SOX5: variants seen among roughly 807,000 people sequenced by gnomAD.
The protein encoded by SOX5 is transcription factor SOX-5.
SOX5 carries 9 observed loss-of-function variants against 92.0 expected under a neutral mutation model. The observed-to-expected ratio is 0.10, with a 90% CI of 0.06 to 0.17. The LOEUF is 0.17. SOX5 is among the 10% of genes least tolerant of loss of function. The pLI is 1.00. For synonymous variants in SOX5, 344 were observed against 336.3 expected, an observed-to-expected ratio of 1.02 and a Z score of -0.25; for missense variants, 642 against 944.5, an observed-to-expected ratio of 0.68 and a Z score of 4.20.
chr12:24,358,485 G>A (rs889544625), intron 2 of SOX5, among the ~76,000 whole-genome samples: 2 of 151,856 alleles, frequency 1.3e-5, no homozygotes, highest in Non-Finnish European at 2.9e-5. Flanking sequence ...TCCTTTCGGC[G>A]CCAATGGTCC....
intron 4 of SOX5, among the ~76,000 whole-genome samples, chr12:24,120,200 T>C (rs1445442774): frequency 1.3e-5 from 2 of 152,104 alleles, no homozygotes; most frequent in African/African-American, 4.8e-5. Context: ...GGAATTGGAG[T>C]CACAGATATA....
intron 2 of SOX5, among the ~76,000 whole-genome samples, chr12:23,851,971 A>G (rs1162162825): frequency 2.0e-5 from 3 of 152,172 alleles, no homozygotes; most frequent in African/African-American, 7.2e-5. Flanking sequence ...ATCAGCGGCT[A>G]GGTTGGTATG....
intron 3 of SOX5, among the ~76,000 whole-genome samples, chr12:23,771,189 A>G (rs1379388274): frequency 1.1e-5 from 1 of 88,838 alleles, no homozygotes; most frequent in Admixed American, 1.3e-4. Flanking sequence ...AAATGGAGCA[A>G]AAAAAAAAAA....
At chr12:24,013,421 A>T (rs1324863488) in intron 4 of SOX5, among the ~76,000 whole-genome samples, 1 of 151,078 alleles carries the variant, frequency 6.6e-6, no homozygotes, top group Non-Finnish European at 1.5e-5. Flanking sequence ...CAGAGATAAG[A>T]AGAGACCATT....
chr12:23,799,557 T>C (rs2095624838), intron 3 of SOX5, among the ~76,000 whole-genome samples: 1 of 152,078 alleles, frequency 6.6e-6, no homozygotes, highest in East Asian at 1.9e-4. Flanking sequence ...GCAACCAATA[T>C]CCGAAGTGAA....
chr12:24,416,236 T>C (rs1160861625), intron 1 of SOX5, among the ~76,000 whole-genome samples: 1 of 152,234 alleles, frequency 6.6e-6, no homozygotes, highest in African/African-American at 2.4e-5. Context: ...GCAGGTCTTC[T>C]GCATCCACAG....
intron 4 of SOX5, among the ~76,000 whole-genome samples, chr12:24,089,498 T>C (rs780321674): frequency 3.9e-5 from 6 of 152,192 alleles, no homozygotes; most frequent in African/African-American, 1.2e-4. Flanking sequence ...TATACATGCA[T>C]GTCTTTATAC....
chr12:23,946,385 A>T (rs1944593004), intron 1 of SOX5, among the ~76,000 whole-genome samples: 1 of 152,186 alleles, frequency 6.6e-6, no homozygotes, highest in East Asian at 1.9e-4. Context: ...GGAAGCTTAG[A>T]CACAAAACTA....
At chr12:24,389,815 A>T (rs904998325) in intron 1 of SOX5, among the ~76,000 whole-genome samples, 3 of 152,246 alleles carry the variant, frequency 2.0e-5, no homozygotes, top group African/African-American at 4.8e-5. Flanking sequence ...TTTTCCAAAC[A>T]GCTGCCCATT....
intron 1 of SOX5, among the ~76,000 whole-genome samples, chr12:24,444,744 C>A (rs1275944789): frequency 6.6e-6 from 1 of 152,156 alleles, no homozygotes; most frequent in African/African-American, 2.4e-5. Flanking sequence ...GGTATATAGA[C>A]AGCCCACTGT....
Position 23,970,841 on chromosome 12 carries a change from A to ATATATATATTTT in SOX5, c.-1-74818_-1-74817insAAAATATATATA. On this transcript the variant is annotated intron_variant, in intron 4 of 4. Transcript: ENST00000446891. Reference sequence around the variant, plus strand: ...ACATGGGACTTTATATATATATATAATTTTTTTTTTTTTTTAAGAAATGGG... The same window carrying ATATATATATTTT: ...ACATGGGACTTTATATATATATATAATATATATATTTTTTTTTTTTTTTTTTTAAGAAATGGG... 1.2e-3 allele frequency among the ~76,000 whole-genome samples: 26 copies of ATATATATATTTT among 21,876 alleles called. 5 individuals are homozygous for ATATATATATTTT. Among genetic ancestry groups the ATATATATATTTT allele is most frequent in the Non-Finnish European group, 2.3e-3 (22 of 9,706 alleles). 14.4% of individuals were successfully genotyped at this position (21,876 alleles called of 152,430 possible).
intron 2 of SOX5, among the ~76,000 whole-genome samples, chr12:24,343,925 T>G (rs1417635617): frequency 6.6e-6 from 1 of 152,124 alleles, no homozygotes; most frequent in East Asian, 1.9e-4. Flanking sequence ...TAGTACTACT[T>G]TATAACTTTG....
At chr12:24,038,581 T>A (rs1485028632) in intron 4 of SOX5, among the ~76,000 whole-genome samples, 1 of 150,106 alleles carries the variant, frequency 6.7e-6, no homozygotes. Flanking sequence ...TAGCTTAGCA[T>A]TTTTTTTTTC....
intron 2 of SOX5, among the ~76,000 whole-genome samples, chr12:23,864,717 AAGCT>A (rs1229388567): frequency 2.0e-5 from 3 of 152,196 alleles, no homozygotes; most frequent in Non-Finnish European, 4.4e-5. Flanking sequence ...GAAAAGTTGA[AAGCT>A]AGCAGAGGTT....
At chr12:23,841,697 C>A (rs542888074) in intron 3 of SOX5, among the ~76,000 whole-genome samples, 9 of 152,000 alleles carry the variant, frequency 5.9e-5, no homozygotes, top group Non-Finnish European at 1.3e-4. Context: ...TCTGAAAAAG[C>A]CCCATGCTGT....
chr12:24,377,644 G>A (rs915360291), intron 1 of SOX5, among the ~76,000 whole-genome samples: 6 of 152,208 alleles, frequency 3.9e-5, no homozygotes, highest in Admixed American at 1.3e-4. Flanking sequence ...TTCCAGCCTC[G>A]TGCTCCTTCC....
rs367680637 is a variant in SOX5, at chr12:23,994,723, T to C, written c.-1-98699A>G. On this transcript the variant is annotated intron_variant, in intron 4 of 4. Transcript: ENST00000446891. Reference sequence around the variant, plus strand: ...CTCTAAATTAAGAAAATAATAAAACTATTTTTCCTGATAGGCTAATATATC... The same window carrying C: ...CTCTAAATTAAGAAAATAATAAAACCATTTTTCCTGATAGGCTAATATATC... 5.9e-5 allele frequency among the ~76,000 whole-genome samples: 9 copies of C among 152,156 alleles called. No individual in the cohort carries two copies. The East Asian group carries it at 1.2e-3, about 20-fold the overall frequency.
chr12:23,923,174 T>A (rs1938918233), intron 1 of SOX5, among the ~76,000 whole-genome samples: 1 of 152,090 alleles, frequency 6.6e-6, no homozygotes, highest in Non-Finnish European at 1.5e-5. Flanking sequence ...CTCAATCTCC[T>A]GACCTCAATC....
At chr12:24,143,746 T>C (rs1950801510) in intron 4 of SOX5, among the ~76,000 whole-genome samples, 1 of 151,702 alleles carries the variant, frequency 6.6e-6, no homozygotes, top group African/African-American at 2.4e-5. Flanking sequence ...CACTCTACTC[T>C]GGGAACTGTG....
Sources: gnomAD v4.1 joint callset for allele counts (sites outside exome capture counted in the v4.1 genomes callset) on GRCh38, gnomAD v4.1.1 for gene constraint, MANE v1.5 for transcripts, NCBI Gene and HGNC (gene_info 2026-07-23, HGNC 2026-07-21) for gene names.